The following PRDM16 variants were observed in gnomAD, a reference collection of about 807,000 sequenced individuals.
PRDM16 encodes histone-lysine N-methyltransferase PRDM16.
In PRDM16, 23 loss-of-function variants were observed where a neutral mutation model predicts 110.6. The observed-to-expected ratio is 0.21, with a 90% CI of 0.15 to 0.29. PRDM16 has a LOEUF of 0.29. Among genes scored for constraint, PRDM16 ranks in the 10% least tolerant of loss-of-function variants. The probability of loss-of-function intolerance (pLI) is 1.00; values close to 1 mark genes in which losing one functional copy is unlikely to be tolerated. For synonymous variants in PRDM16, 799 were observed against 781.8 expected, an observed-to-expected ratio of 1.02 and a Z score of -0.37; for missense variants, 1,615 against 1,794.3, an observed-to-expected ratio of 0.90 and a Z score of 1.81.
At chr1:3,114,644 GCA>G (rs202047941) in intron 1 of PRDM16, among the ~76,000 whole-genome samples, 6,075 of 151,934 alleles carry the variant, frequency 0.04, 403 homozygotes, top group African/African-American at 0.14. Context: ...ATATGTGCAA[GCA>G]CACACACGTG....
Position 3,359,708 on chromosome 1 carries a change from G to A in PRDM16, c.439-25444G>A, listed in dbSNP as rs1247093871. 6.6e-6 allele frequency among the ~76,000 whole-genome samples: 1 copy of A among 152,098 alleles called. No individual in the cohort carries two copies. Among genetic ancestry groups the A allele is most frequent in the Non-Finnish European group, 1.5e-5 (1 of 68,006 alleles). ...GCAATCTTGACTTCTTTCCCCCTTG[G>A]AAAAAAAGCGTCCTCTGTGTGCCTG... On this transcript the variant is annotated intron_variant, in intron 3 of 16. Coordinates refer to ENST00000270722, the MANE Select transcript of PRDM16 (RefSeq NM_022114.4). The surrounding 1 kb of genome is among the most constrained non-coding windows in gnomAD (Gnocchi z 4.3).
At chr1:3,195,792 G>T (rs1215242724) in intron 2 of PRDM16, among the ~76,000 whole-genome samples, 1 of 152,210 alleles carries the variant, frequency 6.6e-6, no homozygotes. Context: ...AGAACAGGGT[G>T]CTCCGGAGCC....
At position 3,244,101 on chromosome 1, in the gene PRDM16, C is replaced by T. The variant is rs779682238; in HGVS notation, c.402C>T (p.Asp134=). 3.7e-5 allele frequency: 59 copies of T among 1,613,836 alleles called. No homozygotes were observed. Among genetic ancestry groups the T allele is most frequent in the Non-Finnish European group, 4.6e-5 (54 of 1,180,016 alleles). ...TTGTTTTGCAGCAAATACTGACGGA[C>T]GTGGAAGTGTCGCCCCAGGAAGGCT... The part of the protein sequence containing the change: ...TDFGWEQILT[D]VEVSPQEGCI... The change falls in exon 3 of 17, where the codon GAC becomes GAT. Residue 134 remains aspartate, a synonymous_variant. Coordinates refer to ENST00000270722, the MANE Select transcript of PRDM16 (RefSeq NM_022114.4). This position sits in a 1 kb window ranked among gnomAD's most constrained non-coding sequence, Gnocchi z 4.1.
rs12025008 is a variant in PRDM16 at position 3,131,153 on chromosome 1, T to C, written c.38-54972T>C. 1.4e-3 allele frequency among the ~76,000 whole-genome samples: 208 copies of C among 152,292 alleles called. 3 individuals are homozygous for C. In the East Asian group the frequency reaches 0.022, roughly 16 times the overall value. On this transcript the variant is annotated intron_variant, in intron 1 of 16. Transcript: ENST00000270722. ...CCACAGTTTTTGGTTGTTTTCGTTT[T>C]TTTCATCATCCTGATGATCCATATC...
intron 5 of PRDM16, among the ~76,000 whole-genome samples, chr1:3,399,571 G>T (rs924417792): frequency 6.6e-6 from 1 of 152,176 alleles, no homozygotes; most frequent in African/African-American, 2.4e-5. Flanking sequence ...ATCCGTGGAG[G>T]GCTGGGGTTG....
chr1:3,139,807 G>A (rs1643511628), intron 1 of PRDM16, among the ~76,000 whole-genome samples: 2 of 152,270 alleles, frequency 1.3e-5, no homozygotes, highest in African/African-American at 2.4e-5. Context: ...TCCAGGCTGA[G>A]AGTGGTTTGG....
chr1:3,199,003 T>C (rs1638551707), intron 2 of PRDM16, among the ~76,000 whole-genome samples: 1 of 152,156 alleles, frequency 6.6e-6, no homozygotes, highest in Non-Finnish European at 1.5e-5. Flanking sequence ...AGATAAACCC[T>C]CACCCAGAAC....
chr1:3,428,142 C>T (rs1638665212), intron 14 of PRDM16, among the ~76,000 whole-genome samples: 2 of 152,088 alleles, frequency 1.3e-5, no homozygotes, highest in South Asian at 4.1e-4. Context: ...CAGCAAGGCC[C>T]CCCTACCCCG....
chr1:3,074,521 T>A (rs1305599822), intron 1 of PRDM16, among the ~76,000 whole-genome samples: 2 of 152,108 alleles, frequency 1.3e-5, no homozygotes, highest in Non-Finnish European at 2.9e-5. Flanking sequence ...AGGCAGGACA[T>A]CACGTGCGTC....
At chr1:3,118,907 A>G (rs1440601634) in intron 1 of PRDM16, among the ~76,000 whole-genome samples, 4 of 152,324 alleles carry the variant, frequency 2.6e-5, no homozygotes, top group East Asian at 1.9e-4. Flanking sequence ...CATCAAAGAA[A>G]GGCCTGGGAG....
At chr1:3,223,150 G>T (rs1462202430) in intron 2 of PRDM16, among the ~76,000 whole-genome samples, 1 of 116,412 alleles carries the variant, frequency 8.6e-6, no homozygotes. Context: ...TTGCTCTGTT[G>T]CCAGGCTGGA....
At chr1:3,197,266 A>T (rs1260623243) in intron 2 of PRDM16, among the ~76,000 whole-genome samples, 1 of 151,946 alleles carries the variant, frequency 6.6e-6, no homozygotes, top group Non-Finnish European at 1.5e-5. Flanking sequence ...CAGGGTCCCG[A>T]CCCCCAGGCG....
chr1:3,175,719 C>T lies in PRDM16; in HGVS notation c.38-10406C>T, dbSNP rs1248884686. ...ACATGGGTGCAGGGAGGGTGACAGC[C>T]GGTCAGCCCTGAAGAAGCAGCAGAG... On this transcript the variant is annotated intron_variant, in intron 1 of 16. Coordinates refer to ENST00000270722, the MANE Select transcript of PRDM16 (RefSeq NM_022114.4). The surrounding 1 kb of genome is among the most constrained non-coding windows in gnomAD (Gnocchi z 4.8). Among the ~76,000 whole-genome samples the T allele has an allele frequency of 3.3e-5, 5 of 152,182 alleles. No homozygotes were observed. The highest frequency in any genetic ancestry group is 1.3e-4 in the Admixed American group (2 of 15,284).
intron 3 of PRDM16, among the ~76,000 whole-genome samples, chr1:3,371,497 C>T (rs1355058269): frequency 1.3e-5 from 2 of 151,900 alleles, no homozygotes; most frequent in South Asian, 2.1e-4. Context: ...CCCACCCATC[C>T]ATCCACCCAC....
intron 2 of PRDM16, chr1:3,207,914 T>C (rs928197287): frequency 6.6e-6 from 1 of 152,284 alleles, no homozygotes; most frequent in African/African-American, 2.4e-5. Flanking sequence ...TGGGTCTTCA[T>C]AAAGCAGCTG....
chr1:3,192,811 C>T (rs905288865), intron 2 of PRDM16, among the ~76,000 whole-genome samples: 4 of 152,190 alleles, frequency 2.6e-5, no homozygotes, highest in African/African-American at 4.8e-5. Flanking sequence ...CAGACACACC[C>T]GGCTGCCTTG....
chr1:3,402,544 C>T (rs565762856), intron 5 of PRDM16, among the ~76,000 whole-genome samples: 9 of 152,338 alleles, frequency 5.9e-5, no homozygotes, highest in African/African-American at 2.2e-4. Context: ...CCGGGGCTCC[C>T]TCTGAGGCAC....
At chr1:3,413,530 AG>A (rs1643730142) in intron 9 of PRDM16, among the ~76,000 whole-genome samples, 1 of 151,152 alleles carries the variant, frequency 6.6e-6, no homozygotes, top group Non-Finnish European at 1.5e-5. Flanking sequence ...AGGCTTGGGG[AG>A]GGGGTCCTAC....
At position 3,353,613 on chromosome 1, in the gene PRDM16, G is replaced by A. The variant is rs1642537312; in HGVS notation, c.439-31539G>A. Among the ~76,000 whole-genome samples the A allele has an allele frequency of 1.3e-5, 2 of 152,222 alleles. No individual in the cohort carries two copies. Among genetic ancestry groups the A allele is most frequent in the African/African-American group, 2.4e-5 (1 of 41,472 alleles). ...CAGGGGATGAGTCCAGCCCCGCAGT[G>A]TGACCGGCAGTTGGCAAACCATTGA... On this transcript the variant is annotated intron_variant, in intron 3 of 16. Coordinates refer to ENST00000270722, the MANE Select transcript of PRDM16 (RefSeq NM_022114.4). This position sits in a 1 kb window ranked among gnomAD's most constrained non-coding sequence, Gnocchi z 5.4.
Sources: gnomAD v4.1 joint callset for allele counts (sites outside exome capture counted in the v4.1 genomes callset) on GRCh38, gnomAD v4.1.1 for gene constraint, Gnocchi (gnomAD v3.1) non-coding constraint, MANE v1.5 for transcripts, NCBI Gene and HGNC (gene_info 2026-07-23, HGNC 2026-07-21) for gene names.